CLIP1: variants seen among roughly 807,000 people sequenced by gnomAD.
The protein encoded by CLIP1 is CAP-Gly domain-containing linker protein 1.
In CLIP1, 66 loss-of-function variants were observed where a neutral mutation model predicts 161.6. That is an observed-to-expected ratio of 0.41 (90% CI 0.33 to 0.50). The LOEUF is 0.50. CLIP1 is among the 20% of genes least tolerant of loss of function. CLIP1 has a pLI of 0.27. For synonymous variants in CLIP1, 598 were observed against 626.2 expected, an observed-to-expected ratio of 0.96 and a Z score of 0.67; for missense variants, 1,376 against 1,702.0, an observed-to-expected ratio of 0.81 and a Z score of 3.37.
chr12:122,347,247 A>C (rs1418239642), intron 10 of CLIP1, 128 bp downstream of exon 10: 2 of 609,828 alleles, frequency 3.3e-6, no homozygotes, highest in Non-Finnish European at 6.0e-6. Flanking sequence ...CAAACACCTG[A>C]ATGGTACCAA....
intron 1 of CLIP1, among the ~76,000 whole-genome samples, chr12:122,413,591 G>A (rs916910108): frequency 1.3e-5 from 2 of 152,258 alleles, no homozygotes; most frequent in East Asian, 1.9e-4. Context: ...TAGAGCTTAC[G>A]CTTATAGAAA....
At chr12:122,309,612 A>G in intron 20 of CLIP1, 150 bp downstream of exon 20, 1 of 875,840 alleles carries the variant, frequency 1.1e-6, no homozygotes, top group Middle Eastern at 3.7e-4. Flanking sequence ...ACGTTTGAAA[A>G]CAAGGAGACA....
At chr12:122,348,808 C>T (rs1952874670) in intron 9 of CLIP1, among the ~76,000 whole-genome samples, 1 of 152,080 alleles carries the variant, frequency 6.6e-6, no homozygotes, top group South Asian at 2.1e-4. Flanking sequence ...GAAAAAATGA[C>T]AACAGACTCT....
intron 16 of CLIP1, 42 bp downstream of exon 16, chr12:122,328,219 G>A: frequency 6.2e-7 from 1 of 1,613,240 alleles, no homozygotes; most frequent in Middle Eastern, 1.7e-4. Context: ...ACTATCCCTT[G>A]CCTTCCTTGC....
At chr12:122,422,499 G>C (rs1956988851) in intron 1 of CLIP1, 22 bp downstream of exon 1, 1 of 151,548 alleles carries the variant, frequency 6.6e-6, no homozygotes, top group Non-Finnish European at 1.5e-5. Flanking sequence ...AAGGGAGAGG[G>C]CCCGCGCCGC....
At chr12:122,281,773 TA>T (rs61004152) in intron 21 of CLIP1, among the ~76,000 whole-genome samples, 45 of 126,368 alleles carry the variant, frequency 3.6e-4, no homozygotes, top group African/African-American at 1.1e-3. Context: ...TTGATTCTGT[TA>T]AAAAAAAAAT....
chr12:122,359,871 A>G (rs1373511818), intron 5 of CLIP1, among the ~76,000 whole-genome samples: 1 of 152,196 alleles, frequency 6.6e-6, no homozygotes, highest in East Asian at 1.9e-4. Context: ...ACCTGAACTC[A>G]GTCTGAGGAA....
In CLIP1 at chr12:122,288,527, T is replaced by A; in HGVS notation, c.3609A>T (p.Arg1203Ser). 1 of 1,607,316 alleles carries A rather than the reference T, an allele frequency of 6.2e-7. No individual in the cohort carries two copies. Among genetic ancestry groups the A allele is most frequent in the Admixed American group, 1.7e-5 (1 of 59,876 alleles). ...VTSHQKLEEE[R>S]SVLNNQLLEM... is the part of the protein sequence containing the mutation. ...CTAACAACTGATTATTGAGCACAGA[T>A]CTTTCTTCTTCCAGCTAGGAAAAAA... The change falls in exon 21 of 26, where the codon AGA (arginine) becomes AGT (serine). Residue 1203 changes from arginine to serine, a missense_variant. Transcript: ENST00000620786.
intron 17 of CLIP1, among the ~76,000 whole-genome samples, chr12:122,326,369 C>T (rs939557394): frequency 5.3e-5 from 8 of 151,680 alleles, no homozygotes; most frequent in Non-Finnish European, 1.0e-4. Flanking sequence ...TGGTGGCTCA[C>T]GCCTGCAACC....
intron 1 of CLIP1, among the ~76,000 whole-genome samples, chr12:122,411,094 T>A (rs1956513656): frequency 6.6e-6 from 1 of 152,052 alleles, no homozygotes; most frequent in South Asian, 2.1e-4. Flanking sequence ...AGGCCCAACA[T>A]AAAAGCAAGC....
chr12:122,356,114 T>C (rs1953336907), intron 5 of CLIP1: 1 of 152,232 alleles, frequency 6.6e-6, no homozygotes, highest in Non-Finnish European at 1.5e-5. Context: ...TACTTAAACA[T>C]ACCAGGAAGA....
At chr12:122,354,685 T>C (rs1953242498) in intron 6 of CLIP1, 129 bp from the exon 7 acceptor site, 3 of 656,012 alleles carry the variant, frequency 4.6e-6, no homozygotes, top group African/African-American at 1.8e-5. Context: ...GTTAAAAAGC[T>C]TTCTCTATTT....
In CLIP1 at chr12:122,340,946, T is replaced by C. The variant is rs1566140395; in HGVS notation, c.2258A>G (p.Asn753Ser). ...ATTATCAATAACCTTGGTTTGTTCA[T>C]TGCATTTGGCTTGCAGTACCTCTAG... ...KELEVLQAKC[N>S]EQTKVIDNFT... is the part of the protein sequence containing the mutation. Residue 753 changes from asparagine (N) to serine (S), a missense_variant, in exon 11 of 26, where the codon AAT becomes AGT. Transcript: ENST00000620786. 11 of 1,614,238 alleles carry C rather than the reference T, an allele frequency of 6.8e-6. No individual in the cohort carries two copies. Among genetic ancestry groups the C allele is most frequent in the Non-Finnish European group, 6.8e-6 (8 of 1,180,036 alleles).
intron 8 of CLIP1, among the ~76,000 whole-genome samples, chr12:122,352,520 A>G (rs557003878): frequency 1.3e-5 from 2 of 152,294 alleles, no homozygotes; most frequent in African/African-American, 4.8e-5. Context: ...AGAAAGAAGT[A>G]GTGCAAGTTC....
intron 20 of CLIP1, among the ~76,000 whole-genome samples, chr12:122,290,363 G>A (rs966770227): frequency 2.0e-5 from 3 of 151,968 alleles, no homozygotes; most frequent in Admixed American, 6.6e-5. Context: ...GAAATTTTTA[G>A]AATGAAAGGA....
chr12:122,409,715 A>T (rs138339413), intron 1 of CLIP1, among the ~76,000 whole-genome samples: 1 of 150,392 alleles, frequency 6.6e-6, no homozygotes, highest in Non-Finnish European at 1.5e-5. Flanking sequence ...TATTTTTAGT[A>T]GAGACAGGCT....
At chr12:122,421,411 C>A (rs1331339065) in intron 1 of CLIP1, among the ~76,000 whole-genome samples, 6 of 152,028 alleles carry the variant, frequency 3.9e-5, no homozygotes, top group Non-Finnish European at 7.3e-5. Flanking sequence ...AGTAGTGACA[C>A]AAATCAAATA....
chr12:122,338,694 G>A (rs1009024965), intron 11 of CLIP1, among the ~76,000 whole-genome samples: 2 of 152,024 alleles, frequency 1.3e-5, no homozygotes, highest in African/African-American at 2.4e-5. Context: ...TCCAGCCTGC[G>A]CAACAGAGTG....
rs756097133 is a variant in CLIP1 at position 122,328,354 on chromosome 12, C to T, written c.2940G>A (p.Glu980=). ...TCTGTTCAGCTTTGACAGTCATGTCCTCAATACTTTTTTGCAGAAAACTTG... is the reference window on the plus strand; with the variant it reads ...TCTGTTCAGCTTTGACAGTCATGTCTTCAATACTTTTTTGCAGAAAACTTG... The part of the protein sequence containing the change: ...ENASFLQKSI[E]DMTVKAEQSQ... Residue 980 remains glutamate (E), a synonymous_variant, in exon 16 of 26, where the codon GAG becomes GAA. Transcript: ENST00000620786. The T allele has an allele frequency of 6.2e-6, 10 of 1,613,242 alleles. No homozygotes were observed. In the African/African-American group the frequency reaches 1.1e-4, roughly 17 times the overall value.
Sources: gnomAD v4.1 joint callset for allele counts (sites outside exome capture counted in the v4.1 genomes callset) on GRCh38, gnomAD v4.1.1 for gene constraint, MANE v1.5 for transcripts, NCBI Gene and HGNC (gene_info 2026-07-23, HGNC 2026-07-21) for gene names.